The following ITGB4 variants were observed in gnomAD, a reference collection of about 807,000 sequenced individuals.
ITGB4 encodes the protein integrin subunit beta 4, also known as integrin beta-4.
In ITGB4, 159 loss-of-function variants were observed where a neutral mutation model predicts 207.6. The ratio of observed to expected loss-of-function variants is 0.77; its 90% CI spans 0.67 to 0.87. The LOEUF (loss-of-function observed/expected upper bound fraction) is 0.87. Among genes scored for constraint, ITGB4 ranks in the 40% least tolerant of loss-of-function variants. ITGB4 has a pLI of 0.00. For missense variants in ITGB4, 2,278 were observed against 2,546.8 expected (o/e 0.89, Z 2.27); for synonymous variants, 1,020 against 1,062.7 (o/e 0.96, Z 0.78).
chr17:75,740,334 C>T lies in ITGB4; in HGVS notation c.2447-24C>T, dbSNP rs1339323916. ...CAGGGGGCTGACCACCTCCATCTCA[C>T]CCCCTCCCACCGCCTTTCCTTAGTG... On this transcript the variant is annotated intron_variant, in intron 20 of 39. Transcript: ENST00000200181. The surrounding 1 kb of genome is among the most constrained non-coding windows in gnomAD (Gnocchi z 5.9). The T allele has an allele frequency of 1.3e-6, 2 of 1,589,712 alleles. No individual in the cohort carries two copies. The highest frequency in any genetic ancestry group is 1.7e-5 in the Admixed American group (1 of 59,602).
intron 6 of ITGB4, among the ~76,000 whole-genome samples, chr17:75,728,948 C>T (rs1461973696): frequency 4.1e-5 from 6 of 145,216 alleles, no homozygotes; most frequent in Non-Finnish European, 7.5e-5. Context: ...TGCGCCACTG[C>T]ACTCCAGCCT....
chr17:75,757,681 G>A lies in ITGB4; in HGVS notation c.*126G>A. 1.5e-6 allele frequency: 2 copies of A among 1,335,258 alleles called. No individual in the cohort carries two copies. The highest frequency in any genetic ancestry group is 2.1e-6 in the Non-Finnish European group (2 of 938,532). The allele number at this position is 1,335,258 out of a possible 1,614,324, so 82.7% of individuals were successfully genotyped here. A position where few individuals can be genotyped will look rare whatever the true frequency, so the allele number is the denominator to read the frequency against. On this transcript the variant is annotated 3_prime_UTR_variant, in exon 40 of 40. Coordinates refer to ENST00000200181, the MANE Select transcript of ITGB4 (RefSeq NM_000213.5). ...GCCCACCCGCATGCACAGAGCAGGG[G>A]CTAGGTGTCTCCTGGGAGGCATGAA...
chr17:75,755,346 G>A (rs757921014), intron 34 of ITGB4: 340 of 953,764 alleles, frequency 3.6e-4, no homozygotes, highest in Admixed American at 2.1e-4. Context: ...GCCCACAGGC[G>A]CTAACCACCT....
At chr17:75,748,124 G>A (rs1019870568) in intron 26 of ITGB4, among the ~76,000 whole-genome samples, 11 of 148,400 alleles carry the variant, frequency 7.4e-5, no homozygotes, top group Non-Finnish European at 1.3e-4. Context: ...ACTTTGGGAG[G>A]CCAAGGTGGG....
At chr17:75,745,751 T>C (rs1405098087) in intron 26 of ITGB4, among the ~76,000 whole-genome samples, 1 of 152,060 alleles carries the variant, frequency 6.6e-6, no homozygotes, top group Non-Finnish European at 1.5e-5. Flanking sequence ...TGGTGACACG[T>C]GCCTCTAATC....
At position 75,755,744 on chromosome 17, in the gene ITGB4, G is replaced by C. The variant is rs777943027; in HGVS notation, c.4602G>C (p.Leu1534=). The change falls in exon 35 of 40, where the codon CTG becomes CTC. Residue 1534 remains leucine (L), a synonymous_variant. Transcript: ENST00000200181. ...GTGTGCCCGACACGCCCACCCGCCT[G>C]GTGTTCTCTGCCCTGGGGCCCACAT... ...TAGVPDTPTR[L]VFSALGPTSL... is the part of the protein sequence containing the mutation. The C allele has an allele frequency of 6.2e-7, 1 of 1,612,916 alleles. No homozygotes were observed.
intron 26 of ITGB4, chr17:75,746,455 A>C (rs980978185): frequency 1.3e-5 from 2 of 151,104 alleles, no homozygotes; most frequent in Admixed American, 6.6e-5. Context: ...CTGGTCTCGA[A>C]CTCCTGACCT....
intron 25 of ITGB4, among the ~76,000 whole-genome samples, 154 bp from the exon 26 acceptor site, chr17:75,743,559 C>T (rs1040361774): frequency 6.6e-6 from 1 of 152,140 alleles, no homozygotes; most frequent in Non-Finnish European, 1.5e-5. Flanking sequence ...AAGGATTTTC[C>T]GTTTCGCTCC....
chr17:75,744,854 C>T (rs1055136293), intron 26 of ITGB4, among the ~76,000 whole-genome samples: 1 of 151,926 alleles, frequency 6.6e-6, no homozygotes. Flanking sequence ...GTCTTGAACT[C>T]CTGACCTCAA....
chr17:75,730,099 C>A, intron 7 of ITGB4, 142 bp from the exon 8 acceptor site: 1 of 1,104,824 alleles, frequency 9.1e-7, no homozygotes, highest in Middle Eastern at 2.9e-4. Flanking sequence ...TCAGATGCAT[C>A]TTTCATGAGG....
At chr17:75,749,168 T>C (rs1000221686) in intron 27 of ITGB4, 123 bp downstream of exon 27, 9 of 792,110 alleles carry the variant, frequency 1.1e-5, no homozygotes, top group Admixed American at 6.2e-5. Flanking sequence ...GAATTTCAGG[T>C]AAACAACATA....
In ITGB4 at chr17:75,729,416, C is replaced by T; in HGVS notation, c.718C>T (p.Leu240=). Residue 240 remains leucine, a synonymous_variant, in exon 7 of 40, where the codon CTG becomes TTG. Transcript: ENST00000200181. The surrounding 1 kb of genome is among the most constrained non-coding windows in gnomAD (Gnocchi z 4.4). The stretch of plus-strand genomic sequence containing the variant: ...TCCTGAGGGCGGCTTCGATGCCATC[C>T]TGCAGACAGCTGTGTGCACGGTGGG... The part of the protein sequence containing the change: ...DAPEGGFDAI[L]QTAVCTRDIG... 1.2e-6 allele frequency: 2 copies of T among 1,614,140 alleles called. No homozygotes were observed. Among genetic ancestry groups the T allele is most frequent in the Non-Finnish European group, 1.7e-6 (2 of 1,179,998 alleles).
In ITGB4 at chr17:75,740,558, TTAAC is replaced by T; in HGVS notation, c.2550+100_2550+103del. ...AATGCGGTCGTGGTACCGAGATTCA[TTAAC>T]TAGGGGAGAGGGGTCTCTCTGGACC... On this transcript the variant is annotated intron_variant, in intron 21 of 39. Coordinates refer to ENST00000200181, the MANE Select transcript of ITGB4 (RefSeq NM_000213.5). This position sits in a 1 kb window ranked among gnomAD's most constrained non-coding sequence, Gnocchi z 5.9. 1 of 1,099,142 alleles carries T rather than the reference TTAAC, an allele frequency of 9.1e-7. No individual in the cohort carries two copies. The highest frequency in any genetic ancestry group is 2.4e-5 in the East Asian group (1 of 41,806). 68.1% of individuals were successfully genotyped at this position (1,099,142 alleles called of 1,614,324 possible).
rs764922067 is a variant in ITGB4, at chr17:75,727,907, C to T, written c.469+52C>T. On this transcript the variant is annotated intron_variant, in intron 5 of 39. Coordinates refer to ENST00000200181, the MANE Select transcript of ITGB4 (RefSeq NM_000213.5). This position sits in a 1 kb window ranked among gnomAD's most constrained non-coding sequence, Gnocchi z 6.0. ...GCAGGGCAGGAGGGGGACAGGTGGG[C>T]GTCTGCTTGGGAGGCCAGGACTCAG... 2.3e-5 allele frequency: 36 copies of T among 1,561,774 alleles called. No individual in the cohort carries two copies. The African/African-American group carries it at 2.6e-4, about 11-fold the overall frequency.
chr17:75,727,551 G>C lies in ITGB4; in HGVS notation c.264+46G>C, dbSNP rs1042466757. ...GGTGGGGGCTCCCCATGCTCAGCCT[G>C]GCTATTTATGGGGGTGTATAGTGCC... On this transcript the variant is annotated intron_variant, in intron 4 of 39. Transcript: ENST00000200181. The surrounding 1 kb of genome is among the most constrained non-coding windows in gnomAD (Gnocchi z 6.0). 6.2e-7 allele frequency: 1 copy of C among 1,602,082 alleles called. No individual in the cohort carries two copies. The highest frequency in any genetic ancestry group is 2.2e-5 in the East Asian group (1 of 44,542).
At chr17:75,725,427 C>A (rs577379119) in intron 2 of ITGB4, among the ~76,000 whole-genome samples, 1 of 152,338 alleles carries the variant, frequency 6.6e-6, no homozygotes, top group Non-Finnish European at 1.5e-5. Context: ...ATCCTCCCAC[C>A]TTAGCCTCCC....
At chr17:75,755,079 G>A (rs375588839) in intron 34 of ITGB4, 1 of 1,600,714 alleles carries the variant, frequency 6.2e-7, no homozygotes, top group Non-Finnish European at 8.5e-7. Context: ...TGGGAACACG[G>A]GAGGAGCAGG....
intron 26 of ITGB4, among the ~76,000 whole-genome samples, chr17:75,744,239 G>T (rs548522022): frequency 5.3e-5 from 8 of 150,950 alleles, no homozygotes; most frequent in Admixed American, 4.0e-4. Context: ...TGCTGCCTCA[G>T]CCTCCCTAGT....
chr17:75,736,010 C>G (rs1260652751), intron 13 of ITGB4, 41 bp from the exon 14 acceptor site: 1 of 1,586,644 alleles, frequency 6.3e-7, no homozygotes, highest in African/African-American at 1.3e-5. Flanking sequence ...ACTACAGGCA[C>G]AGATGTAGCT....
Sources: gnomAD v4.1 joint callset for allele counts (sites outside exome capture counted in the v4.1 genomes callset) on GRCh38, gnomAD v4.1.1 for gene constraint, Gnocchi (gnomAD v3.1) non-coding constraint, MANE v1.5 for transcripts, NCBI Gene and HGNC (gene_info 2026-07-23, HGNC 2026-07-21) for gene names.